Variants in SLC16A4 observed in about 807,000 individuals in gnomAD.
The protein encoded by SLC16A4 is probable monocarboxylate transporter 5.
In SLC16A4, 39 loss-of-function variants were observed where a neutral mutation model predicts 47.9. That is an observed-to-expected ratio of 0.81 (90% CI 0.63 to 1.06). The LOEUF is 1.06. Among genes scored for constraint, SLC16A4 ranks in the 50% least tolerant of loss-of-function variants. SLC16A4 has a pLI of 0.00. For synonymous variants in SLC16A4, 189 were observed against 199.9 expected (o/e 0.95, Z 0.46); for missense variants, 524 against 573.8 (o/e 0.91, Z 0.89).
Position 110,363,607 on chromosome 1 carries a change from A to C in SLC16A4, c.*159T>G, listed in dbSNP as rs1392906219. On this transcript the variant is annotated 3_prime_UTR_variant, in exon 9 of 9. Coordinates refer to ENST00000369779, the MANE Select transcript of SLC16A4 (RefSeq NM_004696.3). ...CGCCACTGCACTCCAGCCTGGGCGAAAGAGCGAGACTCCGTCTCAAAAAAA... is the reference window on the plus strand; with the variant it reads ...CGCCACTGCACTCCAGCCTGGGCGACAGAGCGAGACTCCGTCTCAAAAAAA... The C allele has an allele frequency of 2.0e-5, 13 of 638,986 alleles. No individual in the cohort carries two copies. Among genetic ancestry groups the C allele is most frequent in the African/African-American group, 3.8e-5 (2 of 52,220 alleles). 39.6% of individuals were successfully genotyped at this position (638,986 alleles called of 1,614,324 possible).
At chr1:110,379,488 G>A in intron 5 of SLC16A4, 132 bp from the exon 6 acceptor site, 1 of 819,478 alleles carries the variant, frequency 1.2e-6, no homozygotes, top group Non-Finnish European at 1.9e-6. Flanking sequence ...TCTCCGATTT[G>A]ACTTATTAGT....
intron 2 of SLC16A4, among the ~76,000 whole-genome samples, chr1:110,386,291 T>G (rs1236272413): frequency 2.6e-5 from 4 of 152,218 alleles, no homozygotes; most frequent in Non-Finnish European, 5.9e-5. Context: ...TCTTCCAACT[T>G]TGTTTCAGTT....
chr1:110,377,490 G>A (rs1000442891), intron 6 of SLC16A4, among the ~76,000 whole-genome samples: 2 of 152,140 alleles, frequency 1.3e-5, no homozygotes, highest in African/African-American at 2.4e-5. Flanking sequence ...CAGTCTCTTC[G>A]TCTAAGAGGT....
chr1:110,370,782 C>T (rs1189135285), intron 8 of SLC16A4: 1 of 152,126 alleles, frequency 6.6e-6, no homozygotes, highest in Admixed American at 6.5e-5. Flanking sequence ...GAAAAATACT[C>T]GTGAAATACC....
At chr1:110,363,997 A>G in intron 8 of SLC16A4, 104 bp from the exon 9 acceptor site, 1 of 1,215,368 alleles carries the variant, frequency 8.2e-7, no homozygotes, top group Non-Finnish European at 1.1e-6. Flanking sequence ...ATTGTGACCC[A>G]TTTGAACTTA....
At chr1:110,379,657 C>G in intron 5 of SLC16A4, 1 of 263,748 alleles carries the variant, frequency 3.8e-6, no homozygotes, top group Non-Finnish European at 7.2e-6. Context: ...GTTTCAAATG[C>G]TAAAAAATTA....
At chr1:110,366,101 T>TACACACACAC (rs112827792) in intron 8 of SLC16A4, among the ~76,000 whole-genome samples, 28 of 143,940 alleles carry the variant, frequency 1.9e-4, no homozygotes, top group African/African-American at 6.4e-4. Context: ...CCTTTCATTT[T>TACACACACAC]ACACACACAC....
intron 2 of SLC16A4, among the ~76,000 whole-genome samples, chr1:110,388,864 C>T (rs1470772381): frequency 6.6e-6 from 1 of 152,216 alleles, no homozygotes; most frequent in Non-Finnish European, 1.5e-5. Flanking sequence ...GTGCATGCCA[C>T]TGCACTCAGC....
chr1:110,390,822 T>C (rs1405279818), intron 1 of SLC16A4, 43 bp downstream of exon 1: 1 of 152,190 alleles, frequency 6.6e-6, no homozygotes, highest in Non-Finnish European at 1.5e-5. Context: ...TGCCAGTCGT[T>C]GTTAGAAAAC....
intron 7 of SLC16A4, among the ~76,000 whole-genome samples, chr1:110,375,861 G>T (rs1661968881): frequency 6.6e-6 from 1 of 152,088 alleles, no homozygotes; most frequent in African/African-American, 2.4e-5. Flanking sequence ...ATTAGGAAAT[G>T]ATATTTACAA....
At chr1:110,381,395 C>G (rs988562067) in intron 4 of SLC16A4, among the ~76,000 whole-genome samples, 1 of 152,186 alleles carries the variant, frequency 6.6e-6, no homozygotes, top group Non-Finnish European at 1.5e-5. Context: ...AATCTCGGCT[C>G]ACAACAGCCT....
chr1:110,370,837 C>T (rs939551308), intron 8 of SLC16A4: 1 of 152,138 alleles, frequency 6.6e-6, no homozygotes, highest in African/African-American at 2.4e-5. Flanking sequence ...ATTTTATTAT[C>T]CCACAACTCA....
At chr1:110,381,181 A>C (rs780665694) in intron 4 of SLC16A4, 38 bp from the exon 5 acceptor site, 22 of 1,583,492 alleles carry the variant, frequency 1.4e-5, no homozygotes, top group Non-Finnish European at 1.9e-5. Flanking sequence ...TCACTCTTAC[A>C]TTAAGTGGCT....
chr1:110,381,805 A>G lies in SLC16A4; in HGVS notation c.221-10T>C. On this transcript the variant is annotated splice_polypyrimidine_tract_variant and intron_variant, in intron 3 of 8. Coordinates refer to ENST00000369779, the MANE Select transcript of SLC16A4 (RefSeq NM_004696.3). ...ATAGCAACCAGGGGACCTTAAGAGA[A>G]GAAAGAAAGGCAATTCTTAGGTAAA... 6.2e-7 allele frequency: 1 copy of G among 1,607,974 alleles called. No homozygotes were observed. The highest frequency in any genetic ancestry group is 8.5e-7 in the Non-Finnish European group (1 of 1,178,296).
Position 110,363,503 on chromosome 1 carries a change from G to A in SLC16A4, c.*263C>T. ...TAGCTGGGTGTGGTGGCGTGTGCCTGTAGTCCCAGCTACTTGGGAGGCTGA... is the reference window on the plus strand; with the variant it reads ...TAGCTGGGTGTGGTGGCGTGTGCCTATAGTCCCAGCTACTTGGGAGGCTGA... On this transcript the variant is annotated 3_prime_UTR_variant, in exon 9 of 9. Transcript: ENST00000369779. 1 of 216,652 alleles carries A rather than the reference G, an allele frequency of 4.6e-6. No individual in the cohort carries two copies. Among genetic ancestry groups the A allele is most frequent in the South Asian group, 8.1e-5 (1 of 12,304 alleles). 13.4% of individuals were successfully genotyped at this position (216,652 alleles called of 1,614,324 possible).
chr1:110,379,319 C>T lies in SLC16A4; in HGVS notation c.564G>A (p.Leu188=), dbSNP rs1252386830. 6 of 1,606,080 alleles carry T rather than the reference C, an allele frequency of 3.7e-6. No individual in the cohort carries two copies. Among genetic ancestry groups the T allele is most frequent in the Non-Finnish European group, 5.1e-6 (6 of 1,173,604 alleles). Residue 188 remains leucine, a synonymous_variant, in exon 6 of 9, where the codon TTG becomes TTA. Coordinates refer to ENST00000369779, the MANE Select transcript of SLC16A4 (RefSeq NM_004696.3). ...GTCTTAAGAGCATACTAGAAGGCAC[C>T]AAATTCAATGCGATAGCTCCAAATA... The part of the protein sequence containing the change: ...LILFGAIALN[L]VPSSMLLRPI...
intron 4 of SLC16A4, among the ~76,000 whole-genome samples, chr1:110,381,446 C>A (rs955178663): frequency 2.0e-5 from 3 of 152,154 alleles, no homozygotes; most frequent in Non-Finnish European, 4.4e-5. Flanking sequence ...CTCAGCTTCC[C>A]AAATAGCTGG....
chr1:110,382,466 A>T (rs908962946), intron 3 of SLC16A4, among the ~76,000 whole-genome samples: 12 of 152,240 alleles, frequency 7.9e-5, no homozygotes, highest in East Asian at 1.9e-4. Context: ...CTCAAAAAAA[A>T]AAAATAAATA....
chr1:110,389,081 T>G (rs1662883736), intron 2 of SLC16A4, among the ~76,000 whole-genome samples, 156 bp downstream of exon 2: 1 of 152,236 alleles, frequency 6.6e-6, no homozygotes. Context: ...CCTCTGACTT[T>G]AGCAGTTTTT....
Sources: gnomAD v4.1 joint callset for allele counts (sites outside exome capture counted in the v4.1 genomes callset) on GRCh38, gnomAD v4.1.1 for gene constraint, MANE v1.5 for transcripts, NCBI Gene and HGNC (gene_info 2026-07-23, HGNC 2026-07-21) for gene names.